Variants in ZNF782 observed in about 807,000 individuals in gnomAD.
ZNF782 encodes the protein zinc finger protein 782.
In ZNF782, 12 loss-of-function variants were observed where a neutral mutation model predicts 13.0. The observed-to-expected ratio is 0.92, with a 90% CI of 0.59 to 1.50. The LOEUF is 1.50. Among genes scored for constraint, ZNF782 ranks in the 40% most tolerant of loss-of-function variants. The pLI is 0.00. For missense variants in ZNF782, 770 were observed against 822.9 expected (o/e 0.94, Z 0.79); for synonymous variants, 284 against 283.0 (o/e 1.00, Z -0.04).
At chr9:96,906,581 TA>T in the ZNF782 span, among the ~76,000 whole-genome samples, 1 of 151,996 alleles carries the variant, frequency 6.6e-6, no homozygotes, top group Non-Finnish European at 1.5e-5. Context: ...TTATAAAGAA[TA>T]TTACAAAGGG....
the ZNF782 span, among the ~76,000 whole-genome samples, chr9:96,883,393 T>A: frequency 1.3e-5 from 2 of 152,086 alleles, no homozygotes; most frequent in African/African-American, 2.4e-5. Flanking sequence ...TGGAGCAGTG[T>A]AGCTCCTCTG....
At chr9:96,854,969 T>A (rs1195441921), upstream of ZNF782, among the ~76,000 whole-genome samples, 1 of 152,188 alleles carries the variant, frequency 6.6e-6, no homozygotes, top group Admixed American at 6.5e-5. Flanking sequence ...ATGATATAAC[T>A]TTGAATTTAC....
At chr9:96,932,978 C>CTTT in the ZNF782 span, among the ~76,000 whole-genome samples, 37 of 129,438 alleles carry the variant, frequency 2.9e-4, no homozygotes, top group East Asian at 1.4e-3. Context: ...CTTTTCTTTT[C>CTTT]TTTTTTTTTT....
chr9:96,885,422 A>T, the ZNF782 span, among the ~76,000 whole-genome samples: 1 of 152,204 alleles, frequency 6.6e-6, no homozygotes, highest in Admixed American at 6.5e-5. Flanking sequence ...CTGAAGACAG[A>T]TCAATAAAAT....
At chr9:96,909,851 GC>G in the ZNF782 span, among the ~76,000 whole-genome samples, 1 of 151,576 alleles carries the variant, frequency 6.6e-6, no homozygotes, top group African/African-American at 2.4e-5. Flanking sequence ...AAAGTGAAAA[GC>G]CACATATGTC....
chr9:96,869,538 T>C (rs1389440790), intron 1 of ZNF782, among the ~76,000 whole-genome samples: 1 of 152,176 alleles, frequency 6.6e-6, no homozygotes, highest in East Asian at 1.9e-4. Flanking sequence ...GCACTTAGAC[T>C]GTATAAGGTA....
At chr9:96,898,465 T>C in the ZNF782 span, among the ~76,000 whole-genome samples, 1 of 148,784 alleles carries the variant, frequency 6.7e-6, no homozygotes, top group Admixed American at 6.6e-5. Context: ...TCATCTACAT[T>C]GTCAATGAAG....
At chr9:96,912,440 G>A in the ZNF782 span, among the ~76,000 whole-genome samples, 3 of 150,332 alleles carry the variant, frequency 2.0e-5, no homozygotes, top group Non-Finnish European at 4.5e-5. Context: ...ATTGCAGTGA[G>A]CCGAGATCGT....
chr9:96,879,434 C>T (rs1851935915), upstream of ZNF782, among the ~76,000 whole-genome samples: 1 of 152,200 alleles, frequency 6.6e-6, no homozygotes. Context: ...ACCCAGAAGG[C>T]AGAGCTTGCG....
At chr9:96,920,495 T>G in the ZNF782 span, among the ~76,000 whole-genome samples, 1 of 147,932 alleles carries the variant, frequency 6.8e-6, no homozygotes, top group Non-Finnish European at 1.5e-5. Context: ...TTCGATCTCC[T>G]GACCTCATGA....
chr9:96,900,688 C>G, the ZNF782 span, among the ~76,000 whole-genome samples: 6 of 152,240 alleles, frequency 3.9e-5, no homozygotes, highest in Non-Finnish European at 1.5e-5. Context: ...TTGCAGTGAG[C>G]TGAGATCGCA....
intron 5 of ZNF782, among the ~76,000 whole-genome samples, chr9:96,826,160 CAAT>C (rs1317566512): frequency 6.6e-6 from 1 of 152,082 alleles, no homozygotes; most frequent in Non-Finnish European, 1.5e-5. Context: ...AAATGTCCAA[CAAT>C]GATAGACTGG....
upstream of ZNF782, among the ~76,000 whole-genome samples, chr9:96,857,145 C>T (rs1020672378): frequency 1.3e-5 from 2 of 152,212 alleles, no homozygotes; most frequent in Non-Finnish European, 2.9e-5. Context: ...TGCCTACCAG[C>T]TAGGTGTCAG....
intron 1 of ZNF782, among the ~76,000 whole-genome samples, chr9:96,873,346 G>A (rs1188195440): frequency 2.6e-5 from 4 of 152,154 alleles, no homozygotes; most frequent in Admixed American, 6.5e-5. Context: ...ATACATGAGT[G>A]GTCAAAGGTT....
At position 96,820,209 on chromosome 9, in the gene ZNF782, C is replaced by T. The variant is rs10979162; in HGVS notation, c.245-431G>A. ...GTGGTTTTATCTGAGACAGGGTTTG[C>T]CGTAGGGAGTAACGCTAGTCTAGAT... is the stretch of plus-strand genomic sequence containing the variant. On this transcript the variant is annotated intron_variant, in intron 5 of 5. Coordinates refer to ENST00000481138, the MANE Select transcript of ZNF782 (RefSeq NM_001001662.3). Among the ~76,000 whole-genome samples the T allele has an allele frequency of 8.6e-3, 1,304 of 152,198 alleles. 9 individuals are homozygous for T. Among genetic ancestry groups the T allele is most frequent in the South Asian group, 0.015 (71 of 4,816 alleles).
At chr9:96,844,010 T>C (rs1426757872) in intron 4 of ZNF782, among the ~76,000 whole-genome samples, 2 of 152,046 alleles carry the variant, frequency 1.3e-5, no homozygotes, top group African/African-American at 2.4e-5. Context: ...AAAAAGCACA[T>C]AAAAAGAGGT....
chr9:96,861,123 A>G (rs982880464), intron 2 of ZNF782, among the ~76,000 whole-genome samples: 5 of 152,156 alleles, frequency 3.3e-5, no homozygotes, highest in Admixed American at 6.5e-5. Flanking sequence ...TAAATCAAAG[A>G]CCTCAAATAT....
At chr9:96,855,497 G>C (rs116280165), upstream of ZNF782, among the ~76,000 whole-genome samples, 707 of 152,334 alleles carry the variant, frequency 4.6e-3, 8 homozygotes, top group African/African-American at 0.016. Flanking sequence ...TTATGAGTGA[G>C]AACTACGATG....
intron 3 of ZNF782, among the ~76,000 whole-genome samples, chr9:96,845,264 T>C (rs951407160): frequency 6.6e-6 from 1 of 152,212 alleles, no homozygotes; most frequent in Non-Finnish European, 1.5e-5. Context: ...CTGAGGAAGC[T>C]TAGTACCCTT....
Sources: gnomAD v4.1 joint callset for allele counts (sites outside exome capture counted in the v4.1 genomes callset) on GRCh38, gnomAD v4.1.1 for gene constraint, MANE v1.5 for transcripts, NCBI Gene and HGNC (gene_info 2026-07-23, HGNC 2026-07-21) for gene names.